LRP1B: variants seen among roughly 807,000 people sequenced by gnomAD.
The protein encoded by LRP1B is low-density lipoprotein receptor-related protein 1B.
A neutral mutation model predicts 556.6 loss-of-function variants in LRP1B; 217 were observed. The ratio of observed to expected loss-of-function variants is 0.39; its 90% CI spans 0.35 to 0.44. The LOEUF (loss-of-function observed/expected upper bound fraction) is 0.44, where lower values mean the gene tolerates loss of function less well. LRP1B is among the 20% of genes least tolerant of loss of function. The probability of loss-of-function intolerance (pLI) is 1.00; values close to 1 mark genes in which losing one functional copy is unlikely to be tolerated. For missense variants in LRP1B, 5,053 were observed against 5,620.8 expected (o/e 0.90, Z 3.23); for synonymous variants, 2,047 against 1,865.8 (o/e 1.10, Z -2.50).
rs142942653 is a variant in LRP1B at position 141,390,125 on chromosome 2, C to T, written c.343+90271G>A. On this transcript the variant is annotated intron_variant, in intron 3 of 90. Coordinates refer to ENST00000389484, the MANE Select transcript of LRP1B (RefSeq NM_018557.3). The stretch of plus-strand genomic sequence containing the variant: ...TGCACTCCAGCCTGGGGAACAAGAG[C>T]GAAACTCCATTTCTAAATAAATAAA... 2.5e-3 allele frequency among the ~76,000 whole-genome samples: 383 copies of T among 151,982 alleles called. 2 individuals carry two copies. In the Middle Eastern group the frequency reaches 0.034, roughly 13 times the overall value.
chr2:141,601,599 T>TTTCCTTCCTTCCTTCCTTCCTTCCTTCC lies in LRP1B; in HGVS notation c.206-121094_206-121067dup, dbSNP rs59436887. 5.2e-3 allele frequency among the ~76,000 whole-genome samples: 734 copies of TTTCCTTCCTTCCTTCCTTCCTTCCTTCC among 140,670 alleles called. 9 individuals carry two copies. The highest frequency in any genetic ancestry group is 0.014 in the Middle Eastern group (4 of 286). The allele number at this position is 140,670 out of a possible 152,430, so 92.3% of individuals were successfully genotyped here. A position where few individuals can be genotyped will look rare whatever the true frequency, so the allele number is the denominator to read the frequency against. The stretch of plus-strand genomic sequence containing the variant: ...GATTTAACCTGTATTGTAGCACTCC[T>TTTCCTTCCTTCCTTCCTTCCTTCCTTCC]TTCCTTCCTTCCTTCCTTCCTTCCT... On this transcript the variant is annotated intron_variant, in intron 2 of 90. Transcript: ENST00000389484.
At chr2:140,643,767 A>G (rs763678206) in intron 41 of LRP1B, among the ~76,000 whole-genome samples, 1 of 152,178 alleles carries the variant, frequency 6.6e-6, no homozygotes, top group Non-Finnish European at 1.5e-5. Context: ...CGTAATCACT[A>G]TTTCAATGGT....
chr2:141,425,156 G>C (rs955591833), intron 3 of LRP1B, among the ~76,000 whole-genome samples: 1 of 151,652 alleles, frequency 6.6e-6, no homozygotes, highest in African/African-American at 2.4e-5. Flanking sequence ...ATCTATGAGT[G>C]AGAACATGCG....
intron 3 of LRP1B, among the ~76,000 whole-genome samples, chr2:141,279,506 C>T (rs2105384589): frequency 6.6e-6 from 1 of 152,134 alleles, no homozygotes; most frequent in Admixed American, 6.5e-5. Flanking sequence ...GTTTGCTTGG[C>T]ATGTCACAAA....
intron 27 of LRP1B, among the ~76,000 whole-genome samples, chr2:140,856,593 C>A (rs889886134): frequency 1.3e-5 from 2 of 151,994 alleles, no homozygotes; most frequent in African/African-American, 4.8e-5. Context: ...ACAAAAGCAG[C>A]CACAAAACAA....
chr2:141,655,188 A>T (rs917901573), intron 2 of LRP1B, among the ~76,000 whole-genome samples: 1 of 152,162 alleles, frequency 6.6e-6, no homozygotes, highest in African/African-American at 2.4e-5. Flanking sequence ...ACATTATCAA[A>T]ATTTGATCTC....
In LRP1B at chr2:140,506,885, A is replaced by T. The variant is rs754459945; in HGVS notation, c.8432T>A (p.Met2811Lys). ...GGGAATGCATACTTTATTATGGCAC[A>T]TGAAAGCATTTTCATCACATGTATT... is the stretch of plus-strand genomic sequence containing the variant. ...PNNTCDENAF[M>K]CHNKVCIPKQ... Residue 2811 changes from methionine to lysine, a missense_variant, in exon 53 of 91, where the codon ATG (methionine) becomes AAG (lysine). Met to Lys is a moderately conservative substitution (Grantham distance 95). Around this residue, in one of 5 missense-constraint regions of LRP1B, gnomAD observed 3,619 missense variants for 3,931.9 expected, o/e 0.92. Transcript: ENST00000389484. The T allele has an allele frequency of 1.2e-6, 2 of 1,614,064 alleles. No homozygotes were observed. Among genetic ancestry groups the T allele is most frequent in the Non-Finnish European group, 1.7e-6 (2 of 1,179,976 alleles).
intron 11 of LRP1B, among the ~76,000 whole-genome samples, chr2:141,045,319 T>G (rs1698836503): frequency 6.7e-6 from 1 of 149,622 alleles, no homozygotes; most frequent in African/African-American, 2.5e-5. Context: ...TACCTAATGC[T>G]AGATGACGAG....
At chr2:141,444,810 G>A (rs2105010974) in intron 3 of LRP1B, among the ~76,000 whole-genome samples, 2 of 152,284 alleles carry the variant, frequency 1.3e-5, no homozygotes, top group East Asian at 3.9e-4. Context: ...TTTTTGATGT[G>A]CTGCTGGATT....
intron 35 of LRP1B, among the ~76,000 whole-genome samples, chr2:140,748,179 TC>T (rs1688392567): frequency 7.7e-6 from 1 of 129,648 alleles, no homozygotes; most frequent in African/African-American, 2.9e-5. Flanking sequence ...TATTATATAT[TC>T]ATATATGTGT....
chr2:141,937,400 TAATAA>T (rs1700667091), intron 1 of LRP1B, among the ~76,000 whole-genome samples: 1 of 148,992 alleles, frequency 6.7e-6, no homozygotes, highest in South Asian at 2.1e-4. Context: ...ATAATAATAA[TAATAA>T]AATAAAAAAT....
intron 2 of LRP1B, among the ~76,000 whole-genome samples, chr2:141,768,593 C>T (rs1445886356): frequency 6.6e-6 from 1 of 152,052 alleles, no homozygotes; most frequent in East Asian, 1.9e-4. Context: ...GAAAACTATC[C>T]ATGGCTAATC....
rs1255537062 is a variant in LRP1B at position 141,669,175 on chromosome 2, T to C, written c.205+141104A>G. ...GAGATAGGGGCTTTGAAGAGGTCATTAAAATTAAATGGGGTCACTAGGTTG... is the reference window on the plus strand; with the variant it reads ...GAGATAGGGGCTTTGAAGAGGTCATCAAAATTAAATGGGGTCACTAGGTTG... On this transcript the variant is annotated intron_variant, in intron 2 of 90. Transcript: ENST00000389484. Among the ~76,000 whole-genome samples, 5 of 152,138 alleles carry C rather than the reference T, an allele frequency of 3.3e-5. No homozygotes were observed. The East Asian group carries it at 9.7e-4, about 30-fold the overall frequency.
intron 1 of LRP1B, among the ~76,000 whole-genome samples, chr2:141,855,284 T>C (rs16847376): frequency 0.073 from 11,166 of 152,110 alleles, 507 homozygotes; most frequent in South Asian, 0.18. Context: ...AAAAACTGCC[T>C]AAAGAAGGGT....
intron 32 of LRP1B, among the ~76,000 whole-genome samples, chr2:140,795,985 C>T (rs7566329): frequency 0.86 from 131,140 of 152,000 alleles, 56,952 homozygotes; most frequent in East Asian, 1. Context: ...ACTCTAAACA[C>T]TGTACTACTT....
intron 1 of LRP1B, among the ~76,000 whole-genome samples, chr2:142,050,167 G>A (rs1317680405): frequency 2.0e-5 from 3 of 151,896 alleles, no homozygotes; most frequent in Non-Finnish European, 4.4e-5. Context: ...GTAATACATA[G>A]GTATACACAC....
At chr2:140,473,251 A>G (rs1057127058) in intron 60 of LRP1B, among the ~76,000 whole-genome samples, 1 of 151,954 alleles carries the variant, frequency 6.6e-6, no homozygotes, top group African/African-American at 2.4e-5. Flanking sequence ...CACTTAATGA[A>G]TTTTTCACTA....
At chr2:141,280,465 T>C (rs895920776) in intron 3 of LRP1B, among the ~76,000 whole-genome samples, 2 of 151,984 alleles carry the variant, frequency 1.3e-5, no homozygotes, top group Admixed American at 6.6e-5. Flanking sequence ...AAACAACATA[T>C]AAGCTATTAA....
chr2:140,242,405 G>T (rs1400521263), intron 87 of LRP1B, among the ~76,000 whole-genome samples: 1 of 151,046 alleles, frequency 6.6e-6, no homozygotes, highest in South Asian at 2.1e-4. Context: ...TCCTTGTTCT[G>T]CAAATAGTGC....
Sources: gnomAD v4.1 joint callset for allele counts (sites outside exome capture counted in the v4.1 genomes callset) on GRCh38, gnomAD v4.1.1 for gene constraint, gnomAD v4.1.1 regional missense constraint, MANE v1.5 for transcripts, NCBI Gene and HGNC (gene_info 2026-07-23, HGNC 2026-07-21) for gene names.